SCAMP1: variants seen among roughly 807,000 people sequenced by gnomAD.
SCAMP1 encodes secretory carrier-associated membrane protein 1.
SCAMP1 carries 15 observed loss-of-function variants against 41.8 expected under a neutral mutation model. The ratio of observed to expected loss-of-function variants is 0.36; its 90% confidence interval spans 0.24 to 0.55. SCAMP1 has a LOEUF of 0.55. Ranked by LOEUF, SCAMP1 falls within the 20% of genes least tolerant of loss-of-function variation. SCAMP1 has a pLI of 0.86. For synonymous variants in SCAMP1, 135 were observed against 136.8 expected (o/e 0.99, Z 0.09); for missense variants, 341 against 412.6 (o/e 0.83, Z 1.50).
At chr5:78,433,007 G>GTA (rs1384239765) in intron 6 of SCAMP1, among the ~76,000 whole-genome samples, 1 of 151,900 alleles carries the variant, frequency 6.6e-6, no homozygotes, top group Non-Finnish European at 1.5e-5. Flanking sequence ...GTTTTGCTGA[G>GTA]TATATTGGTG....
In SCAMP1 at chr5:78,480,048, G is replaced by GAA. The variant is rs11453663; in HGVS notation, c.*4391_*4392dup. On this transcript the variant is annotated 3_prime_UTR_variant, in exon 9 of 9. Coordinates refer to ENST00000621999, the MANE Select transcript of SCAMP1 (RefSeq NM_004866.6). ...GCGACAGAGCGAGACTCCATCTCAA[G>GAA]AAAAAAAAAAAAGAATTTTCATTAG... is the stretch of plus-strand genomic sequence containing the variant. Among the ~76,000 whole-genome samples, 78 of 145,476 alleles carry GAA rather than the reference G, an allele frequency of 5.4e-4. No individual in the cohort carries two copies. Among genetic ancestry groups the GAA allele is most frequent in the African/African-American group, 1.3e-3 (51 of 40,068 alleles).
chr5:78,469,409 A>G (rs1324842638), intron 8 of SCAMP1, among the ~76,000 whole-genome samples: 1 of 152,052 alleles, frequency 6.6e-6, no homozygotes, highest in Non-Finnish European at 1.5e-5. Context: ...ATTCCTAGAA[A>G]AAAATGGCAC....
Position 78,427,584 on chromosome 5 carries a change from T to A in SCAMP1, c.632+5624T>A, listed in dbSNP as rs190521236. Among the ~76,000 whole-genome samples the A allele has an allele frequency of 8.9e-3, 1,350 of 152,212 alleles. 16 individuals carry two copies. The highest frequency in any genetic ancestry group is 0.031 in the African/African-American group (1,267 of 41,494). ...CCTTACTGGGATGAAACTTTTTTTT[T>A]AAAACGTGTCTAAATTTTTAAGAAA... On this transcript the variant is annotated intron_variant, in intron 6 of 8. Coordinates refer to ENST00000621999, the MANE Select transcript of SCAMP1 (RefSeq NM_004866.6).
intron 8 of SCAMP1, among the ~76,000 whole-genome samples, chr5:78,462,006 G>C (rs922104004): frequency 2.6e-5 from 4 of 152,096 alleles, no homozygotes; most frequent in African/African-American, 9.7e-5. Flanking sequence ...TAATTTGATA[G>C]GATTGTATTG....
chr5:78,364,016 G>A (rs1371860709), intron 1 of SCAMP1, among the ~76,000 whole-genome samples: 3 of 152,214 alleles, frequency 2.0e-5, no homozygotes, highest in Non-Finnish European at 4.4e-5. Flanking sequence ...GGGTTTTAAA[G>A]CTATAGAGGG....
At position 78,418,839 on chromosome 5, in the gene SCAMP1, T is replaced by A. The variant is rs1060311; in HGVS notation, c.408T>A (p.Asp136Glu). The A allele has an allele frequency of 6.3e-7, 1 of 1,580,372 alleles. No individual in the cohort carries two copies. Among genetic ancestry groups the A allele is most frequent in the East Asian group, 2.3e-5 (1 of 43,816 alleles). The change falls in exon 5 of 9, where the codon GAT becomes GAA. Residue 136 changes from aspartate (D) to glutamate (E), a missense_variant. Coordinates refer to ENST00000621999, the MANE Select transcript of SCAMP1 (RefSeq NM_004866.6). ...NFPVGPCFYQDFSVDIPVEFQ... is the reference protein window; with the variant it reads ...NFPVGPCFYQEFSVDIPVEFQ... ...CTGTCGGACCTTGTTTCTATCAGGA[T>A]TTTTCTGTAGACATTCCTGTAGAAT...
At chr5:78,365,748 C>G (rs183674211) in intron 1 of SCAMP1, among the ~76,000 whole-genome samples, 3 of 152,212 alleles carry the variant, frequency 2.0e-5, no homozygotes, top group Admixed American at 2.0e-4. Context: ...AGCATAGTGT[C>G]CATTTTGTTT....
At chr5:78,448,992 C>T (rs1000300929) in intron 6 of SCAMP1, among the ~76,000 whole-genome samples, 4 of 134,580 alleles carry the variant, frequency 3.0e-5, no homozygotes, top group Admixed American at 7.3e-5. Context: ...AAGAGCAAAA[C>T]TCCGTCTCAA....
intron 2 of SCAMP1, among the ~76,000 whole-genome samples, chr5:78,411,679 G>A (rs1362600175): frequency 6.6e-6 from 1 of 152,042 alleles, no homozygotes; most frequent in Non-Finnish European, 1.5e-5. Context: ...CTTCTGTTGT[G>A]TTGGACATTT....
At chr5:78,427,721 A>G (rs1343040220) in intron 6 of SCAMP1, among the ~76,000 whole-genome samples, 1 of 152,088 alleles carries the variant, frequency 6.6e-6, no homozygotes, top group Non-Finnish European at 1.5e-5. Context: ...TCTTTTGATT[A>G]TTGCCATTTT....
chr5:78,438,731 C>A (rs533333976), intron 6 of SCAMP1, among the ~76,000 whole-genome samples: 1 of 152,070 alleles, frequency 6.6e-6, no homozygotes, highest in South Asian at 2.1e-4. Flanking sequence ...CTATCAGGTC[C>A]GCTTGGTGCA....
At position 78,480,082 on chromosome 5, in the gene SCAMP1, GT is replaced by G. The variant is rs1226973845; in HGVS notation, c.*4415del. The stretch of plus-strand genomic sequence containing the variant: ...AAAAGAATTTTCATTAGTGCTGGCC[GT>G]GTTTCAAATGGCAAGGGAACATGGG... On this transcript the variant is annotated 3_prime_UTR_variant, in exon 9 of 9. Transcript: ENST00000621999. Among the ~76,000 whole-genome samples the G allele has an allele frequency of 4.6e-5, 7 of 151,916 alleles. No homozygotes were observed. Among genetic ancestry groups the G allele is most frequent in the Non-Finnish European group, 8.8e-5 (6 of 67,996 alleles).
intron 1 of SCAMP1, among the ~76,000 whole-genome samples, chr5:78,378,108 C>G (rs1751110833): frequency 6.6e-6 from 1 of 152,092 alleles, no homozygotes. Flanking sequence ...GTTTCTGATT[C>G]CTAGACTAGT....
At chr5:78,417,583 C>G (rs1370787453) in intron 4 of SCAMP1, among the ~76,000 whole-genome samples, 1 of 152,206 alleles carries the variant, frequency 6.6e-6, no homozygotes, top group Non-Finnish European at 1.5e-5. Context: ...CATTTTAGTA[C>G]TTTTCCCCTC....
At chr5:78,457,254 A>T (rs1753435681) in intron 7 of SCAMP1, among the ~76,000 whole-genome samples, 1 of 152,114 alleles carries the variant, frequency 6.6e-6, no homozygotes, top group Admixed American at 6.6e-5. Flanking sequence ...GGTAGAGGAG[A>T]GGCGCTCTGC....
intron 1 of SCAMP1, among the ~76,000 whole-genome samples, chr5:78,386,249 T>A (rs1056783017): frequency 1.3e-5 from 2 of 152,186 alleles, no homozygotes; most frequent in African/African-American, 2.4e-5. Context: ...TTAAAGTTTG[T>A]TTTGTCTGAT....
At chr5:78,463,615 G>A (rs1320042608) in intron 8 of SCAMP1, among the ~76,000 whole-genome samples, 1 of 152,152 alleles carries the variant, frequency 6.6e-6, no homozygotes, top group East Asian at 1.9e-4. Context: ...TATTCAAGAA[G>A]CATTTATTAA....
intron 1 of SCAMP1, chr5:78,361,168 G>C (rs1750638954): frequency 5.6e-6 from 1 of 178,056 alleles, no homozygotes; most frequent in South Asian, 1.1e-4. Context: ...GCGGCGGAGA[G>C]CTGCGTGGGG....
At chr5:78,471,075 G>T (rs1561291412) in intron 8 of SCAMP1, among the ~76,000 whole-genome samples, 1 of 152,100 alleles carries the variant, frequency 6.6e-6, no homozygotes, top group Admixed American at 6.6e-5. Context: ...GTGTCTTTTA[G>T]GGGGTGTAAC....
Sources: allele counts gnomAD v4.1 joint callset (sites outside exome capture counted in the v4.1 genomes callset), GRCh38; gene constraint gnomAD v4.1.1; transcripts MANE v1.5; gene names NCBI Gene and HGNC (gene_info 2026-07-23, HGNC 2026-07-21).